ATAD2B: variants seen among roughly 807,000 people sequenced by gnomAD.
ATAD2B encodes the protein ATPase family AAA domain containing 2B.
In ATAD2B, 40 loss-of-function variants were observed where a neutral mutation model predicts 167.6. That is an observed-to-expected ratio of 0.24 (90% CI 0.19 to 0.31). The LOEUF (loss-of-function observed/expected upper bound fraction) is 0.31. ATAD2B is among the 10% of genes least tolerant of loss of function. The pLI, the probability that ATAD2B is intolerant of heterozygous loss-of-function variation, is 1.00. For missense variants in ATAD2B, 1,242 were observed against 1,757.2 expected, an observed-to-expected ratio of 0.71 and a Z score of 5.24; for synonymous variants, 579 against 596.5, an observed-to-expected ratio of 0.97 and a Z score of 0.43.
chr2:23,824,253 C>A (rs1471573137), intron 15 of ATAD2B, among the ~76,000 whole-genome samples: 1 of 152,204 alleles, frequency 6.6e-6, no homozygotes, highest in Non-Finnish European at 1.5e-5. Flanking sequence ...TGAGCCACCA[C>A]ACCTGGCCTA....
intron 17 of ATAD2B, among the ~76,000 whole-genome samples, chr2:23,816,154 A>G (rs976427808): frequency 2.0e-5 from 3 of 152,240 alleles, no homozygotes; most frequent in Admixed American, 1.3e-4. Context: ...AGTGCTCAGA[A>G]TTGACAATGG....
chr2:23,776,983 G>A (rs1679243447), intron 22 of ATAD2B, among the ~76,000 whole-genome samples: 1 of 152,040 alleles, frequency 6.6e-6, no homozygotes, highest in Non-Finnish European at 1.5e-5. Flanking sequence ...TGGAGACAAG[G>A]CCTTTAAAAA....
chr2:23,763,886 T>C (rs1413432888), intron 23 of ATAD2B, among the ~76,000 whole-genome samples: 4 of 152,214 alleles, frequency 2.6e-5, no homozygotes, highest in Non-Finnish European at 5.9e-5. Flanking sequence ...GCCACCATGT[T>C]CAGCCAGCAT....
At chr2:23,823,072 A>G (rs907977698) in intron 16 of ATAD2B, among the ~76,000 whole-genome samples, 186 bp downstream of exon 16, 1 of 117,646 alleles carries the variant, frequency 8.5e-6, no homozygotes, top group African/African-American at 3.0e-5. Context: ...ACATTCATTC[A>G]TTTGTCTTAA....
At chr2:23,801,082 TTCTA>T (rs1683419632) in intron 18 of ATAD2B, among the ~76,000 whole-genome samples, 1 of 152,160 alleles carries the variant, frequency 6.6e-6, no homozygotes, top group African/African-American at 2.4e-5. Flanking sequence ...AAATTCCTTA[TTCTA>T]TGTTATCTCA....
the ATAD2B span, among the ~76,000 whole-genome samples, chr2:23,712,038 G>A: frequency 6.6e-6 from 1 of 152,188 alleles, no homozygotes; most frequent in Non-Finnish European, 1.5e-5. Flanking sequence ...TCTGTACACT[G>A]TTGAGTTTCA....
chr2:23,719,533 T>C, the ATAD2B span, among the ~76,000 whole-genome samples: 8 of 152,066 alleles, frequency 5.3e-5, no homozygotes, highest in Admixed American at 5.2e-4. Context: ...AGAACTCATA[T>C]ATGAAAATGA....
chr2:23,807,959 A>AAT (rs548850890), intron 18 of ATAD2B, among the ~76,000 whole-genome samples: 1 of 127,510 alleles, frequency 7.8e-6, no homozygotes, highest in East Asian at 2.1e-4. Flanking sequence ...AAATATTTAT[A>AAT]ATATATATAT....
In ATAD2B at chr2:23,758,078, G is replaced by T; in HGVS notation, c.3418C>A (p.Arg1140=). 1.3e-6 allele frequency: 2 copies of T among 1,577,040 alleles called. No individual in the cohort carries two copies. The highest frequency in any genetic ancestry group is 1.4e-5 in the African/African-American group (1 of 72,754). Residue 1140 remains arginine, a synonymous_variant, in exon 25 of 28, where the codon CGG becomes AGG. Transcript: ENST00000238789. The stretch of plus-strand genomic sequence containing the variant: ...ATTCCTTTACCCCACTGTGATCTCC[G>T]CCTTGATTTTCTCCGAACCCGAACT... The part of the protein sequence containing the change: ...CAFRVRRKSR[R]RSQWGKGIIK...
At chr2:23,852,215 C>T (rs1692676662) in intron 13 of ATAD2B, among the ~76,000 whole-genome samples, 1 of 152,154 alleles carries the variant, frequency 6.6e-6, no homozygotes, top group Non-Finnish European at 1.5e-5. Flanking sequence ...GGTGAATTCT[C>T]TCAAACACTT....
At chr2:23,833,769 C>T (rs1689440701) in intron 14 of ATAD2B, 150 bp downstream of exon 14, 5 of 640,930 alleles carry the variant, frequency 7.8e-6, no homozygotes, top group African/African-American at 1.8e-5. Context: ...AAAACTGTTC[C>T]ATAATTACAT....
chr2:23,835,342 C>T (rs980778645), intron 13 of ATAD2B, among the ~76,000 whole-genome samples: 5 of 152,144 alleles, frequency 3.3e-5, no homozygotes, highest in Admixed American at 1.3e-4. Context: ...TAAAAATAAA[C>T]GAAGTACCAA....
chr2:23,848,136 G>A (rs1209680616), intron 13 of ATAD2B, among the ~76,000 whole-genome samples: 1 of 152,048 alleles, frequency 6.6e-6, no homozygotes, highest in Admixed American at 6.5e-5. Flanking sequence ...GAGAGCACCA[G>A]AAATGGTAAG....
At chr2:23,686,558 C>G in the ATAD2B span, among the ~76,000 whole-genome samples, 1 of 152,080 alleles carries the variant, frequency 6.6e-6, no homozygotes, top group South Asian at 2.1e-4. Context: ...AGGCAAGCAC[C>G]AGGACCCAAG....
chr2:23,892,810 A>G (rs1297075524), intron 2 of ATAD2B, among the ~76,000 whole-genome samples: 1 of 152,172 alleles, frequency 6.6e-6, no homozygotes, highest in Non-Finnish European at 1.5e-5. Flanking sequence ...ATTTGTCTGT[A>G]TCTTAGAGTA....
chr2:23,858,757 A>C (rs1012596334), intron 12 of ATAD2B, among the ~76,000 whole-genome samples: 3 of 152,162 alleles, frequency 2.0e-5, no homozygotes, highest in African/African-American at 7.2e-5. Context: ...TGCTGGGATT[A>C]CAGGTCTGAG....
intron 8 of ATAD2B, among the ~76,000 whole-genome samples, chr2:23,873,395 C>T (rs1026130573): frequency 6.6e-6 from 1 of 152,128 alleles, no homozygotes; most frequent in Non-Finnish European, 1.5e-5. Flanking sequence ...GGAATGATTC[C>T]AGGACCCTTG....
chr2:23,888,511 A>G, intron 2 of ATAD2B, 112 bp from the exon 3 acceptor site: 1 of 697,748 alleles, frequency 1.4e-6, no homozygotes, highest in South Asian at 2.5e-5. Flanking sequence ...AAAAGTAAAG[A>G]TAACTTTTTT....
At chr2:23,831,023 T>C (rs9309168) in intron 14 of ATAD2B, among the ~76,000 whole-genome samples, 146,376 of 152,270 alleles carry the variant, frequency 0.96, 70,350 homozygotes, top group East Asian at 0.99. Flanking sequence ...TCAAAGTCAC[T>C]TTCCTTTTGT....
Sources: allele counts gnomAD v4.1 joint callset (sites outside exome capture counted in the v4.1 genomes callset), GRCh38; gene constraint gnomAD v4.1.1; transcripts MANE v1.5; gene names NCBI Gene and HGNC (gene_info 2026-07-23, HGNC 2026-07-21).